FLT1: variants seen among roughly 807,000 people sequenced by gnomAD.
FLT1 encodes the protein fms related receptor tyrosine kinase 1.
A neutral mutation model predicts 156.3 loss-of-function variants in FLT1; 49 were observed. That is an observed-to-expected ratio of 0.31 (90% CI 0.25 to 0.40). The LOEUF (loss-of-function observed/expected upper bound fraction) is 0.40. FLT1 is among the 10% of genes least tolerant of loss of function. FLT1 has a pLI of 1.00. For synonymous variants in FLT1, 594 were observed against 583.8 expected (o/e 1.02, Z -0.25); for missense variants, 1,322 against 1,637.2 (o/e 0.81, Z 3.32).
intron 1 of FLT1, among the ~76,000 whole-genome samples, chr13:28,486,462 T>C (rs748253): frequency 6.6e-6 from 1 of 152,166 alleles, no homozygotes; most frequent in South Asian, 2.1e-4. Context: ...AATTTTGCAG[T>C]CATACTGGAG....
intron 10 of FLT1, among the ~76,000 whole-genome samples, chr13:28,417,226 G>A (rs1268320242): frequency 6.6e-6 from 1 of 152,110 alleles, no homozygotes; most frequent in African/African-American, 2.4e-5. Flanking sequence ...TTCCAATTTT[G>A]GTTTTTATTT....
At chr13:28,463,912 G>A (rs1463230547) in intron 3 of FLT1, among the ~76,000 whole-genome samples, 1 of 152,102 alleles carries the variant, frequency 6.6e-6, no homozygotes, top group Non-Finnish European at 1.5e-5. Flanking sequence ...GTGATTATGA[G>A]ACCAATATCA....
intron 29 of FLT1, among the ~76,000 whole-genome samples, chr13:28,305,492 C>T (rs1184152865): frequency 1.3e-5 from 2 of 152,204 alleles, no homozygotes; most frequent in African/African-American, 4.8e-5. Context: ...ACTGCATGAG[C>T]CACCACACCC....
chr13:28,433,250 C>T lies in FLT1; in HGVS notation c.813+569G>A, dbSNP rs559839805. ...AACAATTATTGTTTGCAAGGATGTT[C>T]GATTTGAATAAGGGAACCCAACGCA... On this transcript the variant is annotated intron_variant, in intron 6 of 29. Coordinates refer to ENST00000282397, the MANE Select transcript of FLT1 (RefSeq NM_002019.4). 1.4e-4 allele frequency among the ~76,000 whole-genome samples: 22 copies of T among 152,294 alleles called. 1 individual carries two copies. Among genetic ancestry groups the T allele is most frequent in the South Asian group, 6.2e-4 (3 of 4,822 alleles).
intron 1 of FLT1, among the ~76,000 whole-genome samples, chr13:28,490,256 C>G (rs2137673154): frequency 6.6e-6 from 1 of 152,130 alleles, no homozygotes; most frequent in East Asian, 1.9e-4. Flanking sequence ...TCAAAGAGCT[C>G]AAAATTGAGG....
intron 16 of FLT1, among the ~76,000 whole-genome samples, chr13:28,342,591 C>G (rs1872379675): frequency 6.6e-6 from 1 of 152,112 alleles, no homozygotes; most frequent in Non-Finnish European, 1.5e-5. Context: ...GTCTCTCATA[C>G]CAGCACTATA....
chr13:28,441,929 G>C (rs1878354962), intron 3 of FLT1, among the ~76,000 whole-genome samples: 2 of 152,230 alleles, frequency 1.3e-5, no homozygotes, highest in South Asian at 4.1e-4. Context: ...AAACTCAAAT[G>C]ATAAAGCTCC....
intron 23 of FLT1, among the ~76,000 whole-genome samples, chr13:28,320,479 C>G (rs1307048759): frequency 2.6e-5 from 4 of 151,894 alleles, no homozygotes; most frequent in Non-Finnish European, 5.9e-5. Context: ...TGGCCCAGGA[C>G]AGCTTTGAAT....
intron 10 of FLT1, among the ~76,000 whole-genome samples, chr13:28,426,949 G>T (rs1877376522): frequency 2.0e-5 from 3 of 152,134 alleles, no homozygotes; most frequent in Non-Finnish European, 4.4e-5. Context: ...AAACTAGAGA[G>T]AAAAATTATG....
rs539087047 is a variant in FLT1, at chr13:28,465,334, T to C, written c.388+1569A>G. ...GGATGGTTAGTCCCTTACAGTTATC[T>C]ACCCCCTGGACAAGCACAAAATGTC... is the stretch of plus-strand genomic sequence containing the variant. On this transcript the variant is annotated intron_variant, in intron 3 of 29. Coordinates refer to ENST00000282397, the MANE Select transcript of FLT1 (RefSeq NM_002019.4). 1.2e-4 allele frequency among the ~76,000 whole-genome samples: 19 copies of C among 152,238 alleles called. No individual in the cohort carries two copies. The South Asian group carries it at 3.5e-3, about 28-fold the overall frequency.
intron 11 of FLT1, among the ~76,000 whole-genome samples, chr13:28,397,775 T>TGG (rs1299805709): frequency 6.6e-6 from 1 of 151,802 alleles, no homozygotes; most frequent in African/African-American, 2.4e-5. Flanking sequence ...TGTGTGTGTG[T>TGG]GTGTGTGTGT....
At chr13:28,411,122 CA>C (rs985018097) in intron 10 of FLT1, among the ~76,000 whole-genome samples, 3 of 152,060 alleles carry the variant, frequency 2.0e-5, no homozygotes, top group Non-Finnish European at 2.9e-5. Flanking sequence ...TGGACAAGGA[CA>C]GGGGCAAGGG....
At chr13:28,479,274 A>G (rs1162229086) in intron 1 of FLT1, among the ~76,000 whole-genome samples, 1 of 152,222 alleles carries the variant, frequency 6.6e-6, no homozygotes, top group Non-Finnish European at 1.5e-5. Context: ...CATTAAACAC[A>G]TTCTTGATGA....
chr13:28,364,718 A>G (rs961279933), intron 14 of FLT1, among the ~76,000 whole-genome samples: 1 of 152,176 alleles, frequency 6.6e-6, no homozygotes, highest in Non-Finnish European at 1.5e-5. Context: ...AGCTCTGTTC[A>G]GATACTATCT....
At chr13:28,318,797 T>C (rs146049356) in intron 24 of FLT1, among the ~76,000 whole-genome samples, 1 of 152,356 alleles carries the variant, frequency 6.6e-6, no homozygotes, top group East Asian at 1.9e-4. Flanking sequence ...ACTGTGTGTC[T>C]GCAAGCAGAT....
chr13:28,339,096 C>G (rs2138851211), intron 17 of FLT1, 72 bp downstream of exon 17: 4 of 1,483,714 alleles, frequency 2.7e-6, no homozygotes, highest in Non-Finnish European at 3.7e-6. Flanking sequence ...TTTCGCATCT[C>G]TCAAAGCACA....
intron 14 of FLT1, among the ~76,000 whole-genome samples, chr13:28,362,700 A>G (rs1873154881): frequency 6.6e-6 from 1 of 152,208 alleles, no homozygotes; most frequent in Non-Finnish European, 1.5e-5. Context: ...GGCTGGCACC[A>G]TGAGTAAATA....
At chr13:28,374,948 AT>A (rs1406006703) in intron 14 of FLT1, among the ~76,000 whole-genome samples, 2 of 152,156 alleles carry the variant, frequency 1.3e-5, no homozygotes. Flanking sequence ...CCTGCTATTC[AT>A]ACGAATAGAT....
intron 1 of FLT1, among the ~76,000 whole-genome samples, chr13:28,482,387 G>A (rs1244050121): frequency 6.6e-6 from 1 of 151,146 alleles, no homozygotes; most frequent in Non-Finnish European, 1.5e-5. Context: ...GCAGTGAGCC[G>A]AGATCACTCC....
Sources: allele counts gnomAD v4.1 joint callset (sites outside exome capture counted in the v4.1 genomes callset), GRCh38; gene constraint gnomAD v4.1.1; transcripts MANE v1.5; gene names NCBI Gene and HGNC (gene_info 2026-07-23, HGNC 2026-07-21).